The following ACOX3 variants were observed in gnomAD, a reference collection of about 807,000 sequenced individuals.
ACOX3 encodes acyl-CoA oxidase 3, pristanoyl, also known as peroxisomal acyl-coenzyme A oxidase 3.
ACOX3 carries 73 observed loss-of-function variants against 81.5 expected under a neutral mutation model. The observed-to-expected ratio is 0.90, with a 90% CI of 0.74 to 1.09. The LOEUF (loss-of-function observed/expected upper bound fraction) is 1.09. Among genes scored for constraint, ACOX3 ranks in the 50% least tolerant of loss-of-function variants. ACOX3 has a pLI of 0.00. For synonymous variants in ACOX3, 387 were observed against 375.1 expected (o/e 1.03, Z -0.37); for missense variants, 947 against 928.0 (o/e 1.02, Z -0.27).
intron 11 of ACOX3, among the ~76,000 whole-genome samples, chr4:8,390,890 G>A (rs1206973743): frequency 2.0e-5 from 3 of 152,152 alleles, no homozygotes; most frequent in East Asian, 1.9e-4. Flanking sequence ...TTCCTGCCAC[G>A]TAACAGGTTG....
intron 10 of ACOX3, 82 bp from the exon 11 acceptor site, chr4:8,392,535 C>A: frequency 2.9e-6 from 4 of 1,388,990 alleles, no homozygotes; most frequent in Non-Finnish European, 3.8e-6. Context: ...TAGCATCAAA[C>A]CACCATATCA....
chr4:8,401,345 G>A (rs564033231), intron 7 of ACOX3, among the ~76,000 whole-genome samples: 18 of 152,260 alleles, frequency 1.2e-4, no homozygotes, highest in African/African-American at 4.3e-4. Flanking sequence ...AATCTCACAT[G>A]CTGGAAGGGA....
intron 1 of ACOX3, among the ~76,000 whole-genome samples, chr4:8,417,205 T>C (rs1383111341): frequency 1.3e-5 from 2 of 152,236 alleles, no homozygotes; most frequent in East Asian, 3.8e-4. Context: ...GATGAAGGCA[T>C]TGAAGGGAAT....
Position 8,399,469 on chromosome 4 carries a change from C to T in ACOX3, c.873+87G>A. The stretch of plus-strand genomic sequence containing the variant: ...TGGCCTACGTGGAGGGGTCTCCTTT[C>T]CAGGTGCAGGGAGGAGCACAGAGCC... On this transcript the variant is annotated intron_variant, in intron 8 of 17. Transcript: ENST00000356406. This position sits in a 1 kb window ranked among gnomAD's most constrained non-coding sequence, Gnocchi z 4.9. 3.3e-6 allele frequency: 4 copies of T among 1,203,456 alleles called. No homozygotes were observed. In the South Asian group the frequency reaches 5.3e-5, roughly 16 times the overall value. 74.5% of individuals were successfully genotyped at this position (1,203,456 alleles called of 1,614,324 possible). A position where few individuals can be genotyped will look rare whatever the true frequency, so the allele number is the denominator to read the frequency against.
Position 8,416,295 on chromosome 4 carries a change from G to T in ACOX3, c.144+83C>A. The stretch of plus-strand genomic sequence containing the variant: ...AGCCTCGCCCGGCAGAGGAGGAGCT[G>T]TGAGAGCCAGAAATCCCATTCTGCT... On this transcript the variant is annotated intron_variant, in intron 2 of 17. Transcript: ENST00000356406. The surrounding 1 kb of genome is among the most constrained non-coding windows in gnomAD (Gnocchi z 4.2). The T allele has an allele frequency of 1.9e-6, 3 of 1,608,544 alleles. No individual in the cohort carries two copies. Among genetic ancestry groups the T allele is most frequent in the Non-Finnish European group, 2.5e-6 (3 of 1,177,260 alleles).
chr4:8,412,942 C>T (rs544087793), intron 5 of ACOX3, among the ~76,000 whole-genome samples: 85 of 145,604 alleles, frequency 5.8e-4, no homozygotes, highest in African/African-American at 2.1e-3. Flanking sequence ...CCCTCCAACC[C>T]GCACCCCTCC....
chr4:8,381,512 C>G lies in ACOX3; in HGVS notation c.1633G>C (p.Glu545Gln). The G allele has an allele frequency of 1.2e-6, 2 of 1,613,800 alleles. No individual in the cohort carries two copies. The highest frequency in any genetic ancestry group is 1.7e-6 in the Non-Finnish European group (2 of 1,179,878). The part of the protein sequence containing the change: ...QEKRSGSSDF[E>Q]ARNKCQVSHG... Reference sequence around the variant, plus strand: ...CTTACCTGGCATTTGTTCCTTGCTTCAAAGTCACTGCTTCCTGATCTTTTC... The same window carrying G: ...CTTACCTGGCATTTGTTCCTTGCTTGAAAGTCACTGCTTCCTGATCTTTTC... The change falls in exon 14 of 18, where the codon GAA (glutamate) becomes CAA (glutamine). Residue 545 changes from glutamate to glutamine, a missense_variant. Coordinates refer to ENST00000356406, the MANE Select transcript of ACOX3 (RefSeq NM_003501.3). The surrounding 1 kb of genome is among the most constrained non-coding windows in gnomAD (Gnocchi z 4.3).
At position 8,373,169 on chromosome 4, in the gene ACOX3, A is replaced by G; in HGVS notation, c.1896+392T>C. 1.3e-5 allele frequency among the ~76,000 whole-genome samples: 2 copies of G among 152,208 alleles called. 1 individual carries two copies. The highest frequency in any genetic ancestry group is 2.9e-5 in the Non-Finnish European group (2 of 68,036). On this transcript the variant is annotated intron_variant, in intron 16 of 17. Coordinates refer to ENST00000356406, the MANE Select transcript of ACOX3 (RefSeq NM_003501.3). ...AGAGAATTCTCAAAGTAGCTGCAAA[A>G]GGTGTGTGAGAGGGCCTGGGTGTGT...
chr4:8,361,425 C>CAATAAAAAA (rs1715231691), downstream of ACOX3, among the ~76,000 whole-genome samples: 1 of 39,034 alleles, frequency 2.6e-5, no homozygotes, highest in Non-Finnish European at 4.2e-5. Flanking sequence ...GACTCTATCT[C>CAATAAAAAA]AAAAAAAAAA....
At chr4:8,433,288 C>T (rs1431091557) in intron 1 of ACOX3, among the ~76,000 whole-genome samples, 1 of 152,204 alleles carries the variant, frequency 6.6e-6, no homozygotes, top group Non-Finnish European at 1.5e-5. Flanking sequence ...TTAGGGTTGG[C>T]CCTAATCCAA....
At chr4:8,436,860 C>T (rs997468199) in intron 1 of ACOX3, among the ~76,000 whole-genome samples, 14 of 148,008 alleles carry the variant, frequency 9.5e-5, no homozygotes, top group African/African-American at 2.7e-4. Context: ...GGCGTGGTGG[C>T]GGGTAGCTGT....
At position 8,370,029 on chromosome 4, in the gene ACOX3, C is replaced by A. The variant is rs1346777786; in HGVS notation, c.1983+879G>T. Among the ~76,000 whole-genome samples, 1 of 152,212 alleles carries A rather than the reference C, an allele frequency of 6.6e-6. No individual in the cohort carries two copies. Among genetic ancestry groups the A allele is most frequent in the Non-Finnish European group, 1.5e-5 (1 of 68,046 alleles). ...GGCATCATCAGGTGGGAGGGAGACA[C>A]AAGGTCAGTGATGAGGCCAGCAAGG... On this transcript the variant is annotated intron_variant, in intron 17 of 17. Coordinates refer to ENST00000356406, the MANE Select transcript of ACOX3 (RefSeq NM_003501.3). The surrounding 1 kb of genome is among the most constrained non-coding windows in gnomAD (Gnocchi z 6.3).
chr4:8,389,527 A>C lies in ACOX3; in HGVS notation c.1423+85T>G, dbSNP rs1433964116. ...CTGCAAACCTAGGATGCATTCACAG[A>C]ACAGCTGAATCAGTGAGGCCAGGAG... On this transcript the variant is annotated intron_variant, in intron 12 of 17. Transcript: ENST00000356406. This position sits in a 1 kb window ranked among gnomAD's most constrained non-coding sequence, Gnocchi z 5.3. 2 of 1,591,860 alleles carry C rather than the reference A, an allele frequency of 1.3e-6. No individual in the cohort carries two copies. Among genetic ancestry groups the C allele is most frequent in the Non-Finnish European group, 1.7e-6 (2 of 1,166,756 alleles).
In ACOX3 at chr4:8,432,098, C is replaced by T. The variant is rs540116778; in HGVS notation, c.-15+8550G>A. ...TCACCACCACCCAGCAGCCACCTCACTTCCCCTAGTCACATCACATTAAGT... is the reference window on the plus strand; with the variant it reads ...TCACCACCACCCAGCAGCCACCTCATTTCCCCTAGTCACATCACATTAAGT... On this transcript the variant is annotated intron_variant, in intron 1 of 17. Transcript: ENST00000356406. This position sits in a 1 kb window ranked among gnomAD's most constrained non-coding sequence, Gnocchi z 6.2. Among the ~76,000 whole-genome samples, 1 of 152,352 alleles carries T rather than the reference C, an allele frequency of 6.6e-6. No individual in the cohort carries two copies. The highest frequency in any genetic ancestry group is 1.9e-4 in the East Asian group (1 of 5,186).
intron 16 of ACOX3, 21 bp from the exon 17 acceptor site, chr4:8,371,015 G>T: frequency 6.2e-7 from 1 of 1,611,444 alleles, no homozygotes; most frequent in African/African-American, 1.3e-5. Context: ...ACAAAGCCCA[G>T]ACACTTGGCA....
At position 8,424,978 on chromosome 4, in the gene ACOX3, C is replaced by T. The variant is rs1365006969; in HGVS notation, c.-14-8443G>A. On this transcript the variant is annotated intron_variant, in intron 1 of 17. Transcript: ENST00000356406. ...AGAACTAATAGCCCTCACTCAGGCA[C>T]TAAAATTAGGAGAAGGAAAAAGGGT... 1.4e-4 allele frequency among the ~76,000 whole-genome samples: 21 copies of T among 152,132 alleles called. 1 individual carries two copies.
In ACOX3 at chr4:8,386,850, A is replaced by T. The variant is rs1033291480; in HGVS notation, c.1537+2323T>A. Among the ~76,000 whole-genome samples the T allele has an allele frequency of 2.6e-5, 4 of 152,218 alleles. No homozygotes were observed. Among genetic ancestry groups the T allele is most frequent in the African/African-American group, 9.6e-5 (4 of 41,466 alleles). ...TGTTGTCCTGTTCTTTGCCGTGTGA[A>T]CAAGGAAGTAGCCTGTAGGGCTGGA... On this transcript the variant is annotated intron_variant, in intron 13 of 17. Coordinates refer to ENST00000356406, the MANE Select transcript of ACOX3 (RefSeq NM_003501.3). This position sits in a 1 kb window ranked among gnomAD's most constrained non-coding sequence, Gnocchi z 5.2.
chr4:8,375,465 G>C (rs532677933), intron 14 of ACOX3, among the ~76,000 whole-genome samples: 13 of 152,336 alleles, frequency 8.5e-5, no homozygotes, highest in African/African-American at 3.1e-4. Flanking sequence ...CCTGGAGCCG[G>C]CCTCGGGATG....
rs2688225 is a variant in ACOX3, at chr4:8,406,182, A to G, written c.688-139T>C. ...TGGGTTAAACCATCCTCCAGAAATG[A>G]TACATCCAAGTCCTAACCCCAGGAC... On this transcript the variant is annotated intron_variant, in intron 6 of 17. Transcript: ENST00000356406. The surrounding 1 kb of genome is among the most constrained non-coding windows in gnomAD (Gnocchi z 5.6). 24,196 of 759,212 alleles carry G rather than the reference A, an allele frequency of 0.032. 518 individuals carry two copies. Among genetic ancestry groups the G allele is most frequent in the Non-Finnish European group, 0.04 (17,395 of 439,922 alleles). The allele number at this position is 759,212 out of a possible 1,614,324, so 47.0% of individuals were successfully genotyped here. A position where few individuals can be genotyped will look rare whatever the true frequency, so the allele number is the denominator to read the frequency against.
Sources: allele counts gnomAD v4.1 joint callset (sites outside exome capture counted in the v4.1 genomes callset), GRCh38; gene constraint gnomAD v4.1.1; non-coding constraint Gnocchi (gnomAD v3.1); transcripts MANE v1.5; gene names NCBI Gene and HGNC (gene_info 2026-07-23, HGNC 2026-07-21).